The following BRINP3 variants were observed in gnomAD, a reference collection of about 807,000 sequenced individuals.
BRINP3 encodes BMP/retinoic acid inducible neural specific 3.
Under a neutral mutation model 71.0 loss-of-function variants are expected in BRINP3, and 19 were observed. That is an observed-to-expected ratio of 0.27 (90% CI 0.19 to 0.39). The LOEUF (loss-of-function observed/expected upper bound fraction) is 0.39. BRINP3 is among the 10% of genes least tolerant of loss of function. BRINP3 has a pLI of 1.00. For missense variants in BRINP3, 959 were observed against 940.8 expected, an observed-to-expected ratio of 1.02 and a Z score of -0.25; for synonymous variants, 380 against 337.7, an observed-to-expected ratio of 1.13 and a Z score of -1.37.
chr1:190,274,136 G>A (rs1231108840), intron 3 of BRINP3, among the ~76,000 whole-genome samples: 1 of 151,420 alleles, frequency 6.6e-6, no homozygotes, highest in Admixed American at 6.6e-5. Context: ...TTGCAAAAGA[G>A]TCCTTCTTCA....
intron 6 of BRINP3, among the ~76,000 whole-genome samples, chr1:190,202,188 G>C (rs1186001290): frequency 2.0e-5 from 3 of 152,134 alleles, no homozygotes; most frequent in Non-Finnish European, 4.4e-5. Context: ...AGCATGATCT[G>C]GATGTGAGAC....
intron 7 of BRINP3, among the ~76,000 whole-genome samples, chr1:190,152,363 C>G (rs1021272295): frequency 3.2e-4 from 48 of 151,978 alleles, no homozygotes; most frequent in African/African-American, 1.0e-3. Flanking sequence ...ATTACCTTCT[C>G]AGACAGACTC....
intron 6 of BRINP3, among the ~76,000 whole-genome samples, chr1:190,161,213 T>C (rs552861955): frequency 6.6e-5 from 10 of 152,146 alleles, no homozygotes; most frequent in African/African-American, 2.4e-4. Context: ...TAAACGTCTT[T>C]CAGTAAACTT....
intron 2 of BRINP3, among the ~76,000 whole-genome samples, chr1:190,450,176 A>G (rs1033370422): frequency 6.6e-5 from 10 of 152,118 alleles, no homozygotes; most frequent in African/African-American, 2.4e-4. Context: ...CCTGTCGTAG[A>G]GAGGGAGCTG....
intron 6 of BRINP3, among the ~76,000 whole-genome samples, chr1:190,198,593 T>C (rs1654708215): frequency 6.6e-6 from 1 of 152,144 alleles, no homozygotes; most frequent in African/African-American, 2.4e-5. Context: ...ATCATCTCTG[T>C]CAAGTTCAAA....
At position 190,431,898 on chromosome 1, in the gene BRINP3, T is replaced by G. The variant is rs1420981951; in HGVS notation, c.236+22757A>C. Among the ~76,000 whole-genome samples the G allele has an allele frequency of 2.0e-5, 3 of 152,272 alleles. No individual in the cohort carries two copies. The East Asian group carries it at 5.8e-4, about 29-fold the overall frequency. On this transcript the variant is annotated intron_variant, in intron 2 of 7. Transcript: ENST00000367462. The stretch of plus-strand genomic sequence containing the variant: ...TTATTTGAAAATGTTATTCAAAAGC[T>G]TATCTCTAATGCTGAAATAATTCAT...
intron 6 of BRINP3, among the ~76,000 whole-genome samples, chr1:190,198,127 G>C (rs1288232301): frequency 3.3e-5 from 5 of 151,884 alleles, no homozygotes; most frequent in Non-Finnish European, 7.4e-5. Context: ...CTGTATGTTG[G>C]CCCCTTTTGC....
intron 4 of BRINP3, among the ~76,000 whole-genome samples, chr1:190,264,012 A>C (rs999982920): frequency 6.6e-6 from 1 of 152,190 alleles, no homozygotes; most frequent in Non-Finnish European, 1.5e-5. Flanking sequence ...GAAACACTCC[A>C]AAATGCTCTC....
In BRINP3 at chr1:190,227,118, A is replaced by G. The variant is rs139576223; in HGVS notation, c.725-800T>C. Among the ~76,000 whole-genome samples the G allele has an allele frequency of 8.4e-3, 1,277 of 152,038 alleles. 19 individuals carry two copies. The highest frequency in any genetic ancestry group is 0.029 in the African/African-American group (1,217 of 41,540). Reference sequence around the variant, plus strand: ...ACTTAAGAATACTTAAATACTAAATATTTAAACAAATAAGTAGGTAAAAAT... The same window carrying G: ...ACTTAAGAATACTTAAATACTAAATGTTTAAACAAATAAGTAGGTAAAAAT... On this transcript the variant is annotated intron_variant, in intron 5 of 7. Transcript: ENST00000367462.
intron 6 of BRINP3, among the ~76,000 whole-genome samples, chr1:190,195,941 A>C (rs1425737849): frequency 6.6e-6 from 1 of 152,078 alleles, no homozygotes; most frequent in African/African-American, 2.4e-5. Flanking sequence ...CAAAAACCTC[A>C]TATTTGGCAC....
intron 2 of BRINP3, among the ~76,000 whole-genome samples, chr1:190,351,249 C>G (rs1214631840): frequency 6.6e-6 from 1 of 151,990 alleles, no homozygotes; most frequent in Non-Finnish European, 1.5e-5. Flanking sequence ...ATTGCCATTA[C>G]TCATCAAATT....
intron 2 of BRINP3, among the ~76,000 whole-genome samples, chr1:190,445,719 TC>T (rs1447358338): frequency 6.6e-6 from 1 of 151,892 alleles, no homozygotes; most frequent in African/African-American, 2.4e-5. Flanking sequence ...ATTCAAAAGC[TC>T]CAGCAGAGTG....
intron 6 of BRINP3, among the ~76,000 whole-genome samples, chr1:190,188,763 T>C (rs1653767178): frequency 6.8e-6 from 1 of 146,034 alleles, no homozygotes; most frequent in South Asian, 2.1e-4. Flanking sequence ...TGCTGGTATC[T>C]TTTTTTTTTT....
At chr1:190,129,068 T>C (rs1023229311) in intron 7 of BRINP3, among the ~76,000 whole-genome samples, 4 of 151,872 alleles carry the variant, frequency 2.6e-5, no homozygotes, top group African/African-American at 9.7e-5. Flanking sequence ...ATTTTCACTG[T>C]GTTTTTATTT....
chr1:190,267,890 TA>T (rs1187244664), intron 3 of BRINP3, among the ~76,000 whole-genome samples: 1 of 152,010 alleles, frequency 6.6e-6, no homozygotes, highest in Non-Finnish European at 1.5e-5. Flanking sequence ...AGTTTAAATA[TA>T]AAAAAATTGA....
rs566082506 is a variant in BRINP3 at position 190,406,229 on chromosome 1, C to T, written c.236+48426G>A. Among the ~76,000 whole-genome samples the T allele has an allele frequency of 3.9e-5, 6 of 152,280 alleles. No homozygotes were observed. In the East Asian group the frequency reaches 7.7e-4, roughly 20 times the overall value. ...GGCTATCTCAGCTCTACCACTGATT[C>T]TTTGTGCTACTAATTCTTAGACACA... is the stretch of plus-strand genomic sequence containing the variant. On this transcript the variant is annotated intron_variant, in intron 2 of 7. Coordinates refer to ENST00000367462, the MANE Select transcript of BRINP3 (RefSeq NM_199051.3).
intron 2 of BRINP3, among the ~76,000 whole-genome samples, chr1:190,282,249 T>C (rs1324573281): frequency 2.3e-5 from 3 of 133,050 alleles, no homozygotes; most frequent in South Asian, 4.4e-4. Context: ...AGTTTTCTTC[T>C]TTTTTTTTTT....
intron 2 of BRINP3, among the ~76,000 whole-genome samples, chr1:190,305,226 T>C (rs1432629984): frequency 6.6e-6 from 1 of 151,916 alleles, no homozygotes; most frequent in East Asian, 1.9e-4. Flanking sequence ...CAAACTACAA[T>C]ATCATCCAGC....
intron 2 of BRINP3, among the ~76,000 whole-genome samples, chr1:190,444,918 C>A (rs536507466): frequency 6.6e-6 from 1 of 152,062 alleles, no homozygotes; most frequent in African/African-American, 2.4e-5. Flanking sequence ...AAGATACGTA[C>A]GTCCTTTGTG....
Sources: allele counts gnomAD v4.1 joint callset (sites outside exome capture counted in the v4.1 genomes callset), GRCh38; gene constraint gnomAD v4.1.1; transcripts MANE v1.5; gene names NCBI Gene and HGNC (gene_info 2026-07-23, HGNC 2026-07-21).